Variants in VPS41 observed in about 807,000 individuals in gnomAD.
VPS41 encodes the protein vacuolar protein sorting-associated protein 41 homolog.
In VPS41, 85 loss-of-function variants were observed where a neutral mutation model predicts 130.9. The ratio of observed to expected loss-of-function variants is 0.65; its 90% CI spans 0.55 to 0.78. The LOEUF (loss-of-function observed/expected upper bound fraction) is 0.78, where lower values mean the gene tolerates loss of function less well. VPS41 is among the 30% of genes least tolerant of loss of function. The pLI is 0.00. For synonymous variants in VPS41, 335 were observed against 332.9 expected, an observed-to-expected ratio of 1.01 and a Z score of -0.07; for missense variants, 874 against 1,018.7, an observed-to-expected ratio of 0.86 and a Z score of 1.93.
intron 4 of VPS41, among the ~76,000 whole-genome samples, chr7:38,848,394 T>A (rs1785773755): frequency 6.6e-6 from 1 of 152,174 alleles, no homozygotes; most frequent in African/African-American, 2.4e-5. Flanking sequence ...TCTCTTTTTT[T>A]CCCCTTCGTT....
At position 38,733,944 on chromosome 7, in the gene VPS41, G is replaced by C. The variant is rs56282249; in HGVS notation, c.2260-5153C>G. On this transcript the variant is annotated intron_variant, in intron 25 of 28. Coordinates refer to ENST00000310301, the MANE Select transcript of VPS41 (RefSeq NM_014396.4). ...GAATTAAAATAAAAAAAATTAGCCA[G>C]GCATAGTGGCGCATGCCTGTAGTTC... 8.1e-3 allele frequency among the ~76,000 whole-genome samples: 1,234 copies of C among 152,080 alleles called. 10 individuals carry two copies. Among genetic ancestry groups the C allele is most frequent in the Non-Finnish European group, 0.013 (901 of 67,964 alleles).
intron 7 of VPS41, among the ~76,000 whole-genome samples, chr7:38,812,471 G>A (rs1304903050): frequency 6.6e-6 from 1 of 152,030 alleles, no homozygotes; most frequent in African/African-American, 2.4e-5. Context: ...CATGACCTTG[G>A]AAGAGGCAAC....
chr7:38,867,567 AAAAG>A (rs771007385), intron 3 of VPS41, among the ~76,000 whole-genome samples: 25 of 151,988 alleles, frequency 1.6e-4, no homozygotes, highest in Non-Finnish European at 2.9e-4. Flanking sequence ...ATAAATAAAT[AAAAG>A]AAAGAAAGAA....
chr7:38,735,904 G>A (rs914586452), intron 25 of VPS41, among the ~76,000 whole-genome samples: 1 of 152,138 alleles, frequency 6.6e-6, no homozygotes, highest in African/African-American at 2.4e-5. Flanking sequence ...CCAAGGGGCA[G>A]TTGGGAGGAA....
intron 7 of VPS41, among the ~76,000 whole-genome samples, chr7:38,804,622 C>T (rs543636440): frequency 2.0e-5 from 3 of 152,208 alleles, no homozygotes; most frequent in Admixed American, 1.3e-4. Flanking sequence ...AGTTAAACAA[C>T]GGACGTGCCA....
intron 18 of VPS41, among the ~76,000 whole-genome samples, chr7:38,757,772 T>C (rs1370994729): frequency 6.6e-6 from 1 of 152,198 alleles, no homozygotes; most frequent in Non-Finnish European, 1.5e-5. Flanking sequence ...ACCTGCAGTA[T>C]ACTTCTTGTT....
chr7:38,888,647 A>G (rs1232625949), intron 2 of VPS41, among the ~76,000 whole-genome samples: 1 of 152,166 alleles, frequency 6.6e-6, no homozygotes, highest in Non-Finnish European at 1.5e-5. Context: ...GATATCCAGG[A>G]CTTGAACTCA....
intron 4 of VPS41, among the ~76,000 whole-genome samples, chr7:38,844,942 C>A (rs768561006): frequency 1.3e-5 from 2 of 152,164 alleles, no homozygotes; most frequent in Admixed American, 6.5e-5. Flanking sequence ...CCCACCAGGA[C>A]GGTAGAACCT....
intron 2 of VPS41, among the ~76,000 whole-genome samples, chr7:38,882,257 T>C (rs932140892): frequency 6.6e-6 from 1 of 152,168 alleles, no homozygotes; most frequent in Non-Finnish European, 1.5e-5. Context: ...AATGATGGTG[T>C]CCTTCATCCA....
At chr7:38,795,366 G>C in intron 9 of VPS41, 99 bp downstream of exon 9, 1 of 985,426 alleles carries the variant, frequency 1.0e-6, no homozygotes, top group Non-Finnish European at 1.4e-6. Context: ...CAAGTGAAAA[G>C]ATTTGGGTCC....
At chr7:38,828,132 T>C (rs1236674599) in intron 5 of VPS41, among the ~76,000 whole-genome samples, 1 of 152,188 alleles carries the variant, frequency 6.6e-6, no homozygotes, top group Non-Finnish European at 1.5e-5. Flanking sequence ...CAGAATTTTA[T>C]ACTATAGTTT....
At chr7:38,817,419 G>GA (rs1785074999) in intron 7 of VPS41, among the ~76,000 whole-genome samples, 1 of 152,116 alleles carries the variant, frequency 6.6e-6, no homozygotes, top group Non-Finnish European at 1.5e-5. Flanking sequence ...GCCAGGCCAT[G>GA]TCTTTAGTAG....
At chr7:38,888,955 G>C (rs541587711) in intron 2 of VPS41, among the ~76,000 whole-genome samples, 6 of 151,840 alleles carry the variant, frequency 4.0e-5, no homozygotes, top group African/African-American at 9.7e-5. Context: ...TGGGGCCTGT[G>C]GGGGGTGGGG....
intron 1 of VPS41, among the ~76,000 whole-genome samples, 158 bp downstream of exon 1, chr7:38,908,996 C>A (rs1787328625): frequency 1.3e-5 from 2 of 152,186 alleles, no homozygotes; most frequent in Non-Finnish European, 2.9e-5. Context: ...TCTCTGCTCC[C>A]CGAAACCAAC....
intron 2 of VPS41, among the ~76,000 whole-genome samples, chr7:38,873,016 A>G (rs1304364282): frequency 2.6e-5 from 4 of 152,178 alleles, no homozygotes; most frequent in African/African-American, 9.6e-5. Context: ...TTTTGCATAA[A>G]AGCACTCATC....
chr7:38,818,064 A>G (rs1166502282), intron 6 of VPS41, among the ~76,000 whole-genome samples, 182 bp from the exon 7 acceptor site: 1 of 152,172 alleles, frequency 6.6e-6, no homozygotes, highest in African/African-American at 2.4e-5. Context: ...TTACGTGAAA[A>G]GATTTCTTCT....
intron 5 of VPS41, among the ~76,000 whole-genome samples, chr7:38,828,311 CAA>C (rs35064928): frequency 1.3e-5 from 2 of 151,886 alleles, no homozygotes; most frequent in Non-Finnish European, 2.9e-5. Context: ...AAAGTCATGA[CAA>C]AAAAAAGATT....
At chr7:38,830,378 T>G in intron 4 of VPS41, 50 bp from the exon 5 acceptor site, 1 of 1,067,406 alleles carries the variant, frequency 9.4e-7, no homozygotes, top group Non-Finnish European at 1.5e-6. Context: ...AAAATATATA[T>G]CAACAATCAA....
chr7:38,752,766 A>G (rs970143491), intron 21 of VPS41, among the ~76,000 whole-genome samples: 19 of 152,190 alleles, frequency 1.2e-4, no homozygotes, highest in African/African-American at 4.1e-4. Context: ...GTCTTCCCAG[A>G]TCATAAAAAT....
Sources: allele counts gnomAD v4.1 joint callset (sites outside exome capture counted in the v4.1 genomes callset), GRCh38; gene constraint gnomAD v4.1.1; transcripts MANE v1.5; gene names NCBI Gene and HGNC (gene_info 2026-07-23, HGNC 2026-07-21).